Variants in SEPTIN9 observed in about 807,000 individuals in gnomAD.
SEPTIN9 encodes the protein septin 9.
In SEPTIN9, 13 loss-of-function variants were observed where a neutral mutation model predicts 56.6. The ratio of observed to expected loss-of-function variants is 0.23; its 90% CI spans 0.15 to 0.37. The LOEUF is 0.37. Ranked by LOEUF, SEPTIN9 falls within the 10% of genes least tolerant of loss-of-function variation. SEPTIN9 has a pLI of 1.00. For missense variants in SEPTIN9, 650 were observed against 823.1 expected, an observed-to-expected ratio of 0.79 and a Z score of 2.57; for synonymous variants, 332 against 334.1, an observed-to-expected ratio of 0.99 and a Z score of 0.07.
intron 2 of SEPTIN9, among the ~76,000 whole-genome samples, chr17:77,307,807 A>G (rs185032679): frequency 5.1e-4 from 78 of 152,300 alleles, no homozygotes; most frequent in African/African-American, 1.9e-3. Flanking sequence ...TACAGCTTAT[A>G]GGCTTGAAGG....
At position 77,492,846 on chromosome 17, in the gene SEPTIN9, C is replaced by T; in HGVS notation, c.1476+130C>T. ...GCCAGAGGGCACTGAGCCCAGGTGT[C>T]TGTACCCAGTGCTGTCAGGCTGAGG... On this transcript the variant is annotated intron_variant, in intron 9 of 11. Transcript: ENST00000427177. This position sits in a 1 kb window ranked among gnomAD's most constrained non-coding sequence, Gnocchi z 5.4. 12 of 1,205,656 alleles carry T rather than the reference C, an allele frequency of 1.0e-5. No individual in the cohort carries two copies. Among genetic ancestry groups the T allele is most frequent in the Non-Finnish European group, 1.5e-5 (12 of 815,008 alleles). 74.7% of individuals were successfully genotyped at this position (1,205,656 alleles called of 1,614,324 possible).
chr17:77,303,683 AAGT>A (rs1279997959), intron 1 of SEPTIN9, among the ~76,000 whole-genome samples: 1 of 149,680 alleles, frequency 6.7e-6, no homozygotes, highest in Non-Finnish European at 1.5e-5. Context: ...TCCATCTCAA[AAGT>A]AGTAATAATA....
rs367775215 is a variant in SEPTIN9, at chr17:77,498,649, G to T, written c.1752G>T (p.Pro584=). 1.9e-6 allele frequency: 3 copies of T among 1,608,802 alleles called. No homozygotes were observed. In the Admixed American group the frequency reaches 5.0e-5, roughly 27 times the overall value. ...TGGAGGAGAAGGAGCCAGAAGCCCC[G>T]GAGATGTAGACGCCACCCTGCCCAC... ...NGMEEKEPEA[P]EM is the part of the protein sequence containing the mutation. The change falls in exon 12 of 12, where the codon CCG becomes CCT. Residue 584 remains proline, a synonymous_variant. Coordinates refer to ENST00000427177, the MANE Select transcript of SEPTIN9 (RefSeq NM_001113491.2).
chr17:77,340,387 C>T (rs1410346481), intron 2 of SEPTIN9, among the ~76,000 whole-genome samples: 8 of 152,122 alleles, frequency 5.3e-5, no homozygotes, highest in Non-Finnish European at 7.3e-5. Flanking sequence ...GTGATCCCCC[C>T]GCCCCAGCCT....
Position 77,476,025 on chromosome 17 carries a change from G to A in SEPTIN9, c.722-6119G>A. 2 of 1,040,614 alleles carry A rather than the reference G, an allele frequency of 1.9e-6. No individual in the cohort carries two copies. Among genetic ancestry groups the A allele is most frequent in the Non-Finnish European group, 2.8e-6 (2 of 707,588 alleles). 64.5% of individuals were successfully genotyped at this position (1,040,614 alleles called of 1,614,324 possible). A position where few individuals can be genotyped will look rare whatever the true frequency, so the allele number is the denominator to read the frequency against. ...CACTTTGTCCTGGGGTGCAGGCCCG[G>A]CTGTCACTCCCCTGGAGCTGGGAAT... is the stretch of plus-strand genomic sequence containing the variant. On this transcript the variant is annotated intron_variant, in intron 3 of 11. Transcript: ENST00000427177. This position sits in a 1 kb window ranked among gnomAD's most constrained non-coding sequence, Gnocchi z 6.0.
chr17:77,470,367 TATCC>T, intron 3 of SEPTIN9, among the ~76,000 whole-genome samples: 1 of 119,512 alleles, frequency 8.4e-6, no homozygotes, highest in East Asian at 2.8e-4. Flanking sequence ...CCCATCCACT[TATCC>T]ATCCATCCAC....
At chr17:77,442,546 A>G (rs991970650) in intron 3 of SEPTIN9, among the ~76,000 whole-genome samples, 15 of 150,370 alleles carry the variant, frequency 1.0e-4, no homozygotes, top group African/African-American at 3.4e-4. Flanking sequence ...GGGCCCGTAT[A>G]CTATCTTAAT....
chr17:77,407,818 T>C (rs1424377764), intron 3 of SEPTIN9, among the ~76,000 whole-genome samples: 2 of 152,214 alleles, frequency 1.3e-5, no homozygotes, highest in African/African-American at 2.4e-5. Context: ...TCCCTGGTCC[T>C]CTCAGGCTCT....
chr17:77,481,153 C>T (rs558885545), intron 3 of SEPTIN9, among the ~76,000 whole-genome samples: 17 of 152,342 alleles, frequency 1.1e-4, no homozygotes, highest in African/African-American at 3.4e-4. Flanking sequence ...AGGCGTCTTC[C>T]GGGCGTCCGC....
chr17:77,478,733 G>C (rs2039325976), intron 3 of SEPTIN9, among the ~76,000 whole-genome samples: 1 of 151,678 alleles, frequency 6.6e-6, no homozygotes, highest in South Asian at 2.1e-4. Flanking sequence ...AACCTGGGGA[G>C]GCAGAGGTTT....
At chr17:77,422,204 G>A (rs576112252) in intron 3 of SEPTIN9, among the ~76,000 whole-genome samples, 212 of 152,256 alleles carry the variant, frequency 1.4e-3, no homozygotes, top group Non-Finnish European at 1.7e-3. Context: ...TGCAGGACCC[G>A]GGCCTCAGCC....
rs1252748795 is a variant in SEPTIN9 at position 77,492,454 on chromosome 17, C to A, written c.1381-167C>A. Among the ~76,000 whole-genome samples the A allele has an allele frequency of 1.3e-5, 2 of 152,126 alleles. No homozygotes were observed. Among genetic ancestry groups the A allele is most frequent in the African/African-American group, 4.8e-5 (2 of 41,416 alleles). Reference sequence around the variant, plus strand: ...GTGCACCTGCAGCTGCCCCTCTTCCCTCCAGGAGGCACAGGAGTTGGAGGT... The same window carrying A: ...GTGCACCTGCAGCTGCCCCTCTTCCATCCAGGAGGCACAGGAGTTGGAGGT... On this transcript the variant is annotated intron_variant, in intron 8 of 11. Transcript: ENST00000427177. The surrounding 1 kb of genome is among the most constrained non-coding windows in gnomAD (Gnocchi z 5.4).
chr17:77,432,162 T>C (rs543813110), intron 3 of SEPTIN9, among the ~76,000 whole-genome samples: 52 of 152,318 alleles, frequency 3.4e-4, no homozygotes, highest in African/African-American at 1.2e-3. Context: ...ACTCTGACCT[T>C]TCCTGGCAGC....
chr17:77,493,826 G>A (rs1349548229), intron 10 of SEPTIN9, among the ~76,000 whole-genome samples: 1 of 145,064 alleles, frequency 6.9e-6, no homozygotes, highest in Admixed American at 7.1e-5. Context: ...AGGCTGGAGT[G>A]CAGTGTTGCA....
intron 4 of SEPTIN9, among the ~76,000 whole-genome samples, chr17:77,486,691 G>A (rs1345827263): frequency 6.6e-6 from 1 of 152,074 alleles, no homozygotes; most frequent in Non-Finnish European, 1.5e-5. Context: ...TGAGTTGTGT[G>A]TGTTGTGTTG....
At chr17:77,320,829 G>C (rs752628495) in intron 2 of SEPTIN9, among the ~76,000 whole-genome samples, 42 of 152,248 alleles carry the variant, frequency 2.8e-4, no homozygotes, top group Non-Finnish European at 4.8e-4. Context: ...CCTGGCAGTT[G>C]ATTATAGAGG....
At chr17:77,466,269 G>A (rs568818944) in intron 3 of SEPTIN9, 30 of 400,552 alleles carry the variant, frequency 7.5e-5, no homozygotes, top group Middle Eastern at 1.3e-3. Context: ...AGATGCAGCC[G>A]AGGAGCCCAG....
Position 77,429,344 on chromosome 17 carries a change from C to T in SEPTIN9, c.721+26641C>T, listed in dbSNP as rs1345203534. On this transcript the variant is annotated intron_variant, in intron 3 of 11. Coordinates refer to ENST00000427177, the MANE Select transcript of SEPTIN9 (RefSeq NM_001113491.2). This position sits in a 1 kb window ranked among gnomAD's most constrained non-coding sequence, Gnocchi z 5.2. ...CGACTGGCTCCTGCAGCCCACCTGG[C>T]TGAGAGGTGTGCTGGCTCTCGCAGG... The T allele has an allele frequency of 2.2e-6, 1 of 461,762 alleles. No individual in the cohort carries two copies. Among genetic ancestry groups the T allele is most frequent in the South Asian group, 1.6e-5 (1 of 63,636 alleles). The allele number at this position is 461,762 out of a possible 1,614,324, so 28.6% of individuals were successfully genotyped here. A position where few individuals can be genotyped will look rare whatever the true frequency, so the allele number is the denominator to read the frequency against.
At chr17:77,490,714 G>T in intron 7 of SEPTIN9, 28 bp from the exon 8 acceptor site, 1 of 1,521,004 alleles carries the variant, frequency 6.6e-7, no homozygotes, top group East Asian at 2.4e-5. Flanking sequence ...TCCCCCAGAT[G>T]AGCCTCACGC....
Sources: gnomAD v4.1 joint callset for allele counts (sites outside exome capture counted in the v4.1 genomes callset) on GRCh38, gnomAD v4.1.1 for gene constraint, Gnocchi (gnomAD v3.1) non-coding constraint, MANE v1.5 for transcripts, NCBI Gene and HGNC (gene_info 2026-07-23, HGNC 2026-07-21) for gene names.